PTPRT: variants seen among roughly 807,000 people sequenced by gnomAD.
The protein encoded by PTPRT is protein tyrosine phosphatase receptor type T.
A neutral mutation model predicts 176.8 loss-of-function variants in PTPRT; 56 were observed. The ratio of observed to expected loss-of-function variants is 0.32; its 90% CI spans 0.26 to 0.40. The LOEUF (loss-of-function observed/expected upper bound fraction) is 0.40. PTPRT is among the 10% of genes least tolerant of loss of function. The pLI, the probability that PTPRT is intolerant of heterozygous loss-of-function variation, is 1.00. For synonymous variants in PTPRT, 783 were observed against 739.0 expected, an observed-to-expected ratio of 1.06 and a Z score of -0.96; for missense variants, 1,540 against 1,908.2, an observed-to-expected ratio of 0.81 and a Z score of 3.60.
chr20:42,167,457 A>G (rs1021022722), intron 16 of PTPRT, among the ~76,000 whole-genome samples: 47 of 152,208 alleles, frequency 3.1e-4, no homozygotes, highest in Admixed American at 2.0e-4. Flanking sequence ...TTTTCTTAGC[A>G]AAAGTCTTCA....
rs141432357 is a variant in PTPRT at position 42,570,882 on chromosome 20, CT to C, written c.1154-98321del. ...CTTAATTAACTTAATCTATAAAGTCCTTTTTTGCAGTGTAAGGCAACATATT... is the reference window on the plus strand; with the variant it reads ...CTTAATTAACTTAATCTATAAAGTCCTTTTTGCAGTGTAAGGCAACATATT... On this transcript the variant is annotated intron_variant, in intron 7 of 30. Coordinates refer to ENST00000373187, the MANE Select transcript of PTPRT (RefSeq NM_007050.6). 3.8e-3 allele frequency among the ~76,000 whole-genome samples: 499 copies of C among 132,918 alleles called. 1 individual carries two copies. The highest frequency in any genetic ancestry group is 0.014 in the African/African-American group (481 of 35,430). 87.2% of individuals were successfully genotyped at this position (132,918 alleles called of 152,430 possible).
chr20:42,531,464 T>G (rs1208754030), intron 7 of PTPRT, among the ~76,000 whole-genome samples: 1 of 152,232 alleles, frequency 6.6e-6, no homozygotes, highest in Non-Finnish European at 1.5e-5. Context: ...CCCGACTCAC[T>G]GGTGCTGGTT....
At position 42,885,828 on chromosome 20, in the gene PTPRT, G is replaced by A. The variant is rs2079092958; in HGVS notation, c.193C>T (p.Leu65=). The A allele has an allele frequency of 2.5e-6, 4 of 1,608,342 alleles. No individual in the cohort carries two copies. Among genetic ancestry groups the A allele is most frequent in the Middle Eastern group, 3.3e-4 (2 of 5,992 alleles). Reference sequence around the variant, plus strand: ...ATACCTGTGGGCACTGCCTGGTCCAGCATTGGTTTCTCCCATGTGTTAATC... The same window carrying A: ...ATACCTGTGGGCACTGCCTGGTCCAACATTGGTTTCTCCCATGTGTTAATC... ...EQINTWEKPM[L]DQAVPTGSFM... The change falls in exon 2 of 31, where the codon CTG becomes TTG. Residue 65 remains leucine, a synonymous_variant. Transcript: ENST00000373187.
intron 2 of PTPRT, among the ~76,000 whole-genome samples, chr20:42,841,706 T>G (rs757274436): frequency 1.3e-5 from 2 of 152,154 alleles, no homozygotes; most frequent in Non-Finnish European, 2.9e-5. Flanking sequence ...CTGGACTATA[T>G]GTACGAGAAT....
intron 14 of PTPRT, among the ~76,000 whole-genome samples, chr20:42,247,914 C>T (rs920762613): frequency 5.3e-5 from 8 of 152,168 alleles, no homozygotes; most frequent in Non-Finnish European, 1.2e-4. Flanking sequence ...TATTTTCTTC[C>T]CTCTGTAATT....
intron 2 of PTPRT, among the ~76,000 whole-genome samples, chr20:42,816,118 G>A (rs968650628): frequency 1.3e-5 from 2 of 152,114 alleles, no homozygotes; most frequent in African/African-American, 4.8e-5. Context: ...CATCTCAGAC[G>A]ACAGCCATGA....
At chr20:42,427,803 C>T (rs2059179607) in intron 9 of PTPRT, among the ~76,000 whole-genome samples, 1 of 152,150 alleles carries the variant, frequency 6.6e-6, no homozygotes, top group Admixed American at 6.5e-5. Flanking sequence ...TGATTTGTTC[C>T]TGCCCCACCC....
chr20:42,883,646 C>A (rs2079039779), intron 2 of PTPRT, among the ~76,000 whole-genome samples: 2 of 143,642 alleles, frequency 1.4e-5, no homozygotes, highest in South Asian at 4.6e-4. Flanking sequence ...CATATGCACA[C>A]ACCGCCATAT....
At chr20:42,547,503 CTT>C (rs1408097812) in intron 7 of PTPRT, among the ~76,000 whole-genome samples, 1 of 151,976 alleles carries the variant, frequency 6.6e-6, no homozygotes, top group African/African-American at 2.4e-5. Context: ...CAAGTCGAGT[CTT>C]AGAATAAAAA....
chr20:42,753,543 T>A (rs6513812), intron 6 of PTPRT, among the ~76,000 whole-genome samples: 22,861 of 152,200 alleles, frequency 0.15, 1,788 homozygotes, highest in Non-Finnish European at 0.16. Context: ...CACTGTTCAA[T>A]GTGAAGGAGA....
At chr20:42,763,589 C>T (rs2076945076) in intron 5 of PTPRT, among the ~76,000 whole-genome samples, 1 of 152,198 alleles carries the variant, frequency 6.6e-6, no homozygotes, top group Non-Finnish European at 1.5e-5. Flanking sequence ...AGGTGAAATT[C>T]CCACAATTCA....
At chr20:43,072,884 T>C (rs1457623694) in intron 1 of PTPRT, among the ~76,000 whole-genome samples, 1 of 152,240 alleles carries the variant, frequency 6.6e-6, no homozygotes, top group Non-Finnish European at 1.5e-5. Flanking sequence ...CTGGAATTTG[T>C]ATCTTCTTAA....
At chr20:42,159,845 A>G (rs1248321072) in intron 17 of PTPRT, among the ~76,000 whole-genome samples, 3 of 152,128 alleles carry the variant, frequency 2.0e-5, no homozygotes, top group African/African-American at 7.2e-5. Flanking sequence ...ACCTTATCCA[A>G]ATTCTTCATT....
chr20:42,224,743 T>A (rs927623728), intron 15 of PTPRT, among the ~76,000 whole-genome samples: 1 of 152,178 alleles, frequency 6.6e-6, no homozygotes, highest in Non-Finnish European at 1.5e-5. Flanking sequence ...TGGGGTCTTC[T>A]CCCTAGCTGA....
chr20:42,677,376 TGAGAGCCAGGAGCCCTCAGAGACACAAC>T (rs1381400400), intron 7 of PTPRT, among the ~76,000 whole-genome samples: 6 of 151,888 alleles, frequency 4.0e-5, no homozygotes, highest in African/African-American at 7.3e-5. Flanking sequence ...CGGGGCACAG[TGAGAGCCAGGAGCCCTCAGAGACACAAC>T]CAGAGCCAGG....
chr20:42,143,705 A>T (rs938693664), intron 17 of PTPRT, among the ~76,000 whole-genome samples: 5 of 152,128 alleles, frequency 3.3e-5, no homozygotes, highest in Non-Finnish European at 5.9e-5. Context: ...TCGGAAGCAG[A>T]CTCAGAGATA....
At chr20:42,093,865 C>T (rs946695907) in intron 27 of PTPRT, among the ~76,000 whole-genome samples, 3 of 152,214 alleles carry the variant, frequency 2.0e-5, no homozygotes, top group South Asian at 2.1e-4. Flanking sequence ...TTTCATAAGG[C>T]GCCCAGCTGC....
At chr20:42,270,245 T>A (rs564662107) in intron 13 of PTPRT, among the ~76,000 whole-genome samples, 19 of 121,338 alleles carry the variant, frequency 1.6e-4, no homozygotes, top group African/African-American at 5.6e-4. Flanking sequence ...GGTGGATGAA[T>A]GAATGTGTGG....
chr20:43,053,714 C>A (rs1241187275), intron 1 of PTPRT, among the ~76,000 whole-genome samples: 2 of 152,092 alleles, frequency 1.3e-5, no homozygotes, highest in Non-Finnish European at 2.9e-5. Context: ...ACCACCCTGG[C>A]GATTGCTCTC....
Sources: allele counts gnomAD v4.1 joint callset (sites outside exome capture counted in the v4.1 genomes callset), GRCh38; gene constraint gnomAD v4.1.1; transcripts MANE v1.5; gene names NCBI Gene and HGNC (gene_info 2026-07-23, HGNC 2026-07-21).